The following L3MBTL4 variants were observed in gnomAD, a reference collection of about 807,000 sequenced individuals.
L3MBTL4 encodes the protein lethal(3)malignant brain tumor-like protein 4.
Under a neutral mutation model 84.5 loss-of-function variants are expected in L3MBTL4, and 70 were observed. That is an observed-to-expected ratio of 0.83 (90% CI 0.68 to 1.01). The LOEUF (loss-of-function observed/expected upper bound fraction) is 1.01. Among genes scored for constraint, L3MBTL4 ranks in the 50% least tolerant of loss-of-function variants. The pLI, the probability that L3MBTL4 is intolerant of heterozygous loss-of-function variation, is 0.00. For synonymous variants in L3MBTL4, 274 were observed against 259.8 expected, an observed-to-expected ratio of 1.05 and a Z score of -0.52; for missense variants, 715 against 754.8, an observed-to-expected ratio of 0.95 and a Z score of 0.62.
At chr18:6,205,139 C>T (rs73383997) in intron 12 of L3MBTL4, among the ~76,000 whole-genome samples, 8,355 of 152,140 alleles carry the variant, frequency 0.055, 733 homozygotes, top group African/African-American at 0.19. Flanking sequence ...GATTATTCAG[C>T]GAGCTCAAAG....
At chr18:6,080,813 T>G (rs2058050195) in intron 16 of L3MBTL4, 68 bp downstream of exon 16, 1 of 1,171,906 alleles carries the variant, frequency 8.5e-7, no homozygotes, top group Admixed American at 2.1e-5. Flanking sequence ...AACCAAACAG[T>G]CAAACAAATA....
At chr18:6,081,014 T>C (rs893842051) in intron 15 of L3MBTL4, 63 bp from the exon 16 acceptor site, 7 of 1,235,316 alleles carry the variant, frequency 5.7e-6, no homozygotes, top group South Asian at 2.8e-5. Flanking sequence ...GAAATCATGA[T>C]AGCAGCACAA....
At chr18:6,050,088 C>A (rs534391603) in intron 16 of L3MBTL4, among the ~76,000 whole-genome samples, 1 of 152,036 alleles carries the variant, frequency 6.6e-6, no homozygotes, top group Admixed American at 6.6e-5. Context: ...TAAGAAATTA[C>A]CCACAATACT....
chr18:6,351,101 CAGA>C (rs2053162146), intron 1 of L3MBTL4, among the ~76,000 whole-genome samples: 1 of 152,232 alleles, frequency 6.6e-6, no homozygotes, highest in South Asian at 2.1e-4. Flanking sequence ...GAGGCTGAGG[CAGA>C]AGAATCACTT....
At chr18:6,174,707 T>A (rs909398559) in intron 12 of L3MBTL4, among the ~76,000 whole-genome samples, 3 of 151,642 alleles carry the variant, frequency 2.0e-5, no homozygotes, top group Admixed American at 1.3e-4. Context: ...CCATCTCTAC[T>A]AAAATGCAAA....
chr18:6,363,204 G>A (rs1302170166), intron 1 of L3MBTL4, among the ~76,000 whole-genome samples: 1 of 152,156 alleles, frequency 6.6e-6, no homozygotes, highest in African/African-American at 2.4e-5. Context: ...GTGGCAGTAA[G>A]TGGATTTCAC....
intron 4 of L3MBTL4, among the ~76,000 whole-genome samples, chr18:6,276,271 C>T (rs1345204226): frequency 6.6e-6 from 1 of 152,194 alleles, no homozygotes; most frequent in African/African-American, 2.4e-5. Context: ...CCACCTCAGG[C>T]CCATGTCATC....
At position 6,272,137 on chromosome 18, in the gene L3MBTL4, G is replaced by T. The variant is rs511706; in HGVS notation, c.128-8099C>A. 6.6e-5 allele frequency among the ~76,000 whole-genome samples: 10 copies of T among 152,178 alleles called. No homozygotes were observed. The South Asian group carries it at 2.1e-3, about 32-fold the overall frequency. On this transcript the variant is annotated intron_variant, in intron 4 of 18. Coordinates refer to ENST00000317931, the MANE Select transcript of L3MBTL4 (RefSeq NM_001330559.2). ...GAGGGAAATGCACCCAGAGAGAGAG[G>T]AAAAAAGAAGCCTCTCAGAAAAGAG...
At chr18:6,382,142 T>A (rs2054617611) in intron 1 of L3MBTL4, among the ~76,000 whole-genome samples, 1 of 152,240 alleles carries the variant, frequency 6.6e-6, no homozygotes, top group African/African-American at 2.4e-5. Context: ...TACTTGTGTA[T>A]GCTTCACGAA....
intron 16 of L3MBTL4, 121 bp from the exon 17 acceptor site, chr18:5,969,683 G>A (rs1170260714): frequency 3.8e-5 from 35 of 915,002 alleles, no homozygotes; most frequent in South Asian, 8.7e-5. Flanking sequence ...ACCAGAACCC[G>A]CGTCTTCTGA....
intron 16 of L3MBTL4, among the ~76,000 whole-genome samples, chr18:6,043,236 CT>C (rs2056477959): frequency 6.6e-6 from 1 of 152,168 alleles, no homozygotes; most frequent in African/African-American, 2.4e-5. Flanking sequence ...TGTCCACTCC[CT>C]GATCATTTAC....
chr18:6,194,620 C>G (rs2045291270), intron 12 of L3MBTL4, among the ~76,000 whole-genome samples: 4 of 152,224 alleles, frequency 2.6e-5, no homozygotes, highest in Admixed American at 1.3e-4. Flanking sequence ...AGTTCCCCTT[C>G]TCCCTTCCAT....
chr18:6,075,412 C>T (rs951395840), intron 16 of L3MBTL4, among the ~76,000 whole-genome samples: 9 of 152,086 alleles, frequency 5.9e-5, no homozygotes, highest in Non-Finnish European at 1.2e-4. Context: ...GTATGAACTA[C>T]TTGTGTTACT....
In L3MBTL4 at chr18:6,296,695, C is replaced by T. The variant is rs535695377; in HGVS notation, c.127+5208G>A. 3.3e-5 allele frequency among the ~76,000 whole-genome samples: 5 copies of T among 152,096 alleles called. No individual in the cohort carries two copies. In the East Asian group the frequency reaches 9.7e-4, roughly 29 times the overall value. ...CCAGGTGGTGAGGGGTCTCCAGTAA[C>T]ATTCTAGGGAAGGGGGGTTATGAGG... On this transcript the variant is annotated intron_variant, in intron 4 of 18. Transcript: ENST00000317931.
At chr18:6,242,127 C>G (rs1406127974) in intron 7 of L3MBTL4, among the ~76,000 whole-genome samples, 1 of 152,174 alleles carries the variant, frequency 6.6e-6, no homozygotes, top group East Asian at 1.9e-4. Context: ...AGTCAAACTC[C>G]CTGCACAGCC....
chr18:5,976,050 T>C (rs1383146520), intron 16 of L3MBTL4, among the ~76,000 whole-genome samples: 1 of 152,196 alleles, frequency 6.6e-6, no homozygotes. Flanking sequence ...TAGTGGGCTA[T>C]CGAGAGGGTT....
intron 1 of L3MBTL4, among the ~76,000 whole-genome samples, chr18:6,357,123 G>A (rs984562854): frequency 3.9e-5 from 6 of 152,236 alleles, no homozygotes; most frequent in South Asian, 2.1e-4. Flanking sequence ...CATCCAAAGC[G>A]TTGATATCTT....
intron 16 of L3MBTL4, among the ~76,000 whole-genome samples, chr18:5,983,330 C>T (rs996683938): frequency 9.2e-5 from 14 of 152,312 alleles, no homozygotes; most frequent in African/African-American, 3.4e-4. Flanking sequence ...AATACAGTTA[C>T]ATTTTAAGGA....
intron 12 of L3MBTL4, among the ~76,000 whole-genome samples, chr18:6,193,268 G>A (rs1223860832): frequency 6.6e-6 from 1 of 152,014 alleles, no homozygotes; most frequent in Admixed American, 6.6e-5. Flanking sequence ...GTTGGTGAGA[G>A]TGACCAGAAG....
Sources: allele counts gnomAD v4.1 joint callset (sites outside exome capture counted in the v4.1 genomes callset), GRCh38; gene constraint gnomAD v4.1.1; transcripts MANE v1.5; gene names NCBI Gene and HGNC (gene_info 2026-07-23, HGNC 2026-07-21).